The following AVEN variants were observed in gnomAD, a reference collection of about 807,000 sequenced individuals.
AVEN encodes the protein apoptosis and caspase activation inhibitor, also known as cell death regulator Aven.
In AVEN, 41 loss-of-function variants were observed where a neutral mutation model predicts 38.1. The observed-to-expected ratio is 1.08, with a 90% CI of 0.84 to 1.40. AVEN has a LOEUF of 1.40. Ranked by LOEUF, AVEN falls within the 40% of genes most tolerant of loss-of-function variation. The pLI is 0.00. For synonymous variants in AVEN, 206 were observed against 171.8 expected (o/e 1.20, Z -1.56); for missense variants, 605 against 438.8 (o/e 1.38, Z -3.38).
intron 2 of AVEN, among the ~76,000 whole-genome samples, chr15:33,988,546 C>T (rs1446521834): frequency 2.6e-5 from 4 of 152,154 alleles, no homozygotes; most frequent in Non-Finnish European, 5.9e-5. Context: ...GAAATGACAG[C>T]ACTGATGACC....
intron 1 of AVEN, 108 bp downstream of exon 1, chr15:34,038,672 C>CCGTCTGGCGCG (rs1208847614): frequency 6.3e-5 from 65 of 1,037,728 alleles, no homozygotes; most frequent in Non-Finnish European, 7.2e-5. Context: ...GCGCCGCCGC[C>CCGTCTGGCGCG]CGTCTGGCGC....
At chr15:33,883,271 A>C (rs142474572) in intron 2 of AVEN, among the ~76,000 whole-genome samples, 27 of 152,342 alleles carry the variant, frequency 1.8e-4, no homozygotes, top group African/African-American at 6.5e-4. Flanking sequence ...GAATAACCAA[A>C]AAGCTGACGG....
chr15:34,067,817 GC>G (rs1245130628), intron 2 of AVEN, among the ~76,000 whole-genome samples: 1 of 152,116 alleles, frequency 6.6e-6, no homozygotes, highest in African/African-American at 2.4e-5. Flanking sequence ...AAGAGTCGGT[GC>G]CCCACTCCAT....
At chr15:34,017,598 G>A (rs186642888) in intron 1 of AVEN, among the ~76,000 whole-genome samples, 141 of 150,548 alleles carry the variant, frequency 9.4e-4, no homozygotes, top group Middle Eastern at 6.9e-3. Context: ...TCCTGCCTGA[G>A]TCTCTCAAGT....
chr15:33,856,670 GTTTT>G (rs1037189704), downstream of AVEN: 29 of 156,570 alleles, frequency 1.9e-4, no homozygotes, highest in African/African-American at 6.5e-4. Flanking sequence ...TTGTTTGTTT[GTTTT>G]TTTGAGACGG....
At chr15:33,918,297 C>T (rs1354064004) in intron 2 of AVEN, among the ~76,000 whole-genome samples, 1 of 152,074 alleles carries the variant, frequency 6.6e-6, no homozygotes, top group African/African-American at 2.4e-5. Context: ...ATTTTAAGCT[C>T]ATTTAGCTCC....
intron 2 of AVEN, among the ~76,000 whole-genome samples, chr15:33,960,741 G>A (rs1057102900): frequency 6.6e-5 from 10 of 152,030 alleles, no homozygotes; most frequent in African/African-American, 1.7e-4. Context: ...GCTGTATAGC[G>A]ACTTGAGTAT....
intron 2 of AVEN, among the ~76,000 whole-genome samples, chr15:33,987,515 C>A (rs769769334): frequency 1.1e-4 from 16 of 152,176 alleles, no homozygotes; most frequent in Non-Finnish European, 2.1e-4. Flanking sequence ...CTCTCCTCCC[C>A]AGCTGCAGCC....
At chr15:33,964,499 T>G (rs1372729940) in intron 2 of AVEN, among the ~76,000 whole-genome samples, 1 of 152,058 alleles carries the variant, frequency 6.6e-6, no homozygotes, top group Non-Finnish European at 1.5e-5. Flanking sequence ...TCCAACAAAC[T>G]GATGCCAAAA....
chr15:34,038,635 C>T lies in AVEN; in HGVS notation c.267+145G>A. 5.2e-6 allele frequency: 3 copies of T among 574,032 alleles called. 1 individual carries two copies. The highest frequency in any genetic ancestry group is 1.6e-4 in the South Asian group (2 of 12,828). 35.6% of individuals were successfully genotyped at this position (574,032 alleles called of 1,614,324 possible). ...CGCCACCAGGCGCGCCCCCGCGCCA[C>T]CATCCGCCCGTCCCGCGCAGGCGCC... On this transcript the variant is annotated intron_variant, in intron 1 of 5. Coordinates refer to ENST00000306730, the MANE Select transcript of AVEN (RefSeq NM_020371.3).
downstream of AVEN, chr15:33,865,557 G>GAAATCTCGAATGTGTAATACCTGAAAA (rs1890221408): frequency 1.3e-5 from 3 of 239,142 alleles, no homozygotes; most frequent in African/African-American, 6.7e-5. Flanking sequence ...AGAGAAGTAT[G>GAAATCTCGAATGTGTAATACCTGAAAA]AAATCTCGAA....
intron 1 of AVEN, among the ~76,000 whole-genome samples, chr15:34,030,986 C>T (rs1898760699): frequency 1.3e-5 from 2 of 151,976 alleles, no homozygotes; most frequent in African/African-American, 4.8e-5. Flanking sequence ...TACAGAAATC[C>T]AAAATAGATG....
At chr15:34,016,723 T>A (rs1409475793) in intron 1 of AVEN, among the ~76,000 whole-genome samples, 1 of 152,044 alleles carries the variant, frequency 6.6e-6, no homozygotes. Flanking sequence ...CTCTGGTGAG[T>A]GGTCCATTTT....
chr15:34,069,001 C>T (rs868331554), intron 2 of AVEN, among the ~76,000 whole-genome samples: 10 of 151,642 alleles, frequency 6.6e-5, no homozygotes, highest in Non-Finnish European at 8.8e-5. Context: ...TTAGTAGAGA[C>T]GGGGTTTCAC....
At chr15:33,854,408 A>G, downstream of AVEN, 4 of 1,575,630 alleles carry the variant, frequency 2.5e-6, no homozygotes, top group South Asian at 4.7e-5. Flanking sequence ...CATAGACATG[A>G]AGTACCATAT....
intron 11 of AVEN, chr15:33,860,986 T>G: frequency 1.9e-6 from 2 of 1,039,520 alleles, no homozygotes; most frequent in Non-Finnish European, 2.9e-6. Flanking sequence ...AAGAAAGTTT[T>G]CATTATCCTT....
At chr15:33,855,215 T>TG (rs1350717233), downstream of AVEN, among the ~76,000 whole-genome samples, 1 of 151,766 alleles carries the variant, frequency 6.6e-6, no homozygotes, top group Non-Finnish European at 1.5e-5. Flanking sequence ...TTTTTTTTTT[T>TG]GTGACGGTGT....
chr15:34,061,218 T>A (rs932675325), intron 5 of AVEN, among the ~76,000 whole-genome samples: 4 of 152,140 alleles, frequency 2.6e-5, no homozygotes, highest in African/African-American at 9.7e-5. Flanking sequence ...TTCTACAATT[T>A]ACCCTTTAGT....
At chr15:33,870,620 C>T (rs1202447009) in intron 4 of AVEN, among the ~76,000 whole-genome samples, 1 of 152,200 alleles carries the variant, frequency 6.6e-6, no homozygotes, top group African/African-American at 2.4e-5. Context: ...TGTCTGTTCA[C>T]CACTGTGTCC....
Sources: allele counts gnomAD v4.1 joint callset (sites outside exome capture counted in the v4.1 genomes callset), GRCh38; gene constraint gnomAD v4.1.1; transcripts MANE v1.5; gene names NCBI Gene and HGNC (gene_info 2026-07-23, HGNC 2026-07-21).